KSR2: variants seen among roughly 807,000 people sequenced by gnomAD.
KSR2 encodes kinase suppressor of ras 2.
In KSR2, 25 loss-of-function variants were observed where a neutral mutation model predicts 107.8. The ratio of observed to expected loss-of-function variants is 0.23; its 90% CI spans 0.17 to 0.32. The LOEUF (loss-of-function observed/expected upper bound fraction) is 0.32, where lower values mean the gene tolerates loss of function less well. Among genes scored for constraint, KSR2 ranks in the 10% least tolerant of loss-of-function variants. KSR2 has a pLI of 1.00. For missense variants in KSR2, 887 were observed against 1,268.9 expected, an observed-to-expected ratio of 0.70 and a Z score of 4.57; for synonymous variants, 480 against 507.0, an observed-to-expected ratio of 0.95 and a Z score of 0.71.
At chr12:117,887,795 T>G (rs1894219631) in intron 1 of KSR2, among the ~76,000 whole-genome samples, 1 of 151,874 alleles carries the variant, frequency 6.6e-6, no homozygotes, top group Non-Finnish European at 1.5e-5. Flanking sequence ...TTTCATGCAT[T>G]AAAAAATAAA....
chr12:117,874,254 A>G (rs1380578430), intron 1 of KSR2, among the ~76,000 whole-genome samples: 4 of 151,910 alleles, frequency 2.6e-5, no homozygotes, highest in Non-Finnish European at 5.9e-5. Context: ...TTGTTTTGAG[A>G]CAGGGTCTTG....
chr12:117,457,587 C>T lies in KSR2; in HGVS notation c.*9612G>A, dbSNP rs551204820. 2.0e-5 allele frequency: 3 copies of T among 152,314 alleles called. No individual in the cohort carries two copies. The South Asian group carries it at 6.2e-4, about 32-fold the overall frequency. The allele number at this position is 152,314 out of a possible 1,614,324, so 9.4% of individuals were successfully genotyped here. A position where few individuals can be genotyped will look rare whatever the true frequency, so the allele number is the denominator to read the frequency against. On this transcript the variant is annotated 3_prime_UTR_variant, in exon 20 of 20. Coordinates refer to ENST00000339824, the MANE Select transcript of KSR2 (RefSeq NM_173598.6). ...CAGAGAAGCTCAGGTGACACCATGC[C>T]TGACATGCCACCATATGGGCTTCCA... is the stretch of plus-strand genomic sequence containing the variant.
rs138420579 is a variant in KSR2, at chr12:117,490,448, T to A, written c.2220-4757A>T. On this transcript the variant is annotated intron_variant, in intron 14 of 19. Transcript: ENST00000339824. ...TTACAAAGTGGGTATTCTTGCTGTA[T>A]CTCGTTGATTCCAAAGATGCACATC... Among the ~76,000 whole-genome samples the A allele has an allele frequency of 9.6e-4, 147 of 152,360 alleles. No individual in the cohort carries two copies. In the East Asian group the frequency reaches 0.011, roughly 12 times the overall value.
At chr12:117,610,963 T>C (rs73211937) in intron 5 of KSR2, among the ~76,000 whole-genome samples, 2,661 of 152,232 alleles carry the variant, frequency 0.017, 44 homozygotes, top group Non-Finnish European at 0.025. Context: ...AAAAAATACA[T>C]CAATGTTGCC....
chr12:117,673,721 T>G lies in KSR2; in HGVS notation c.987-6063A>C, dbSNP rs570486605. Among the ~76,000 whole-genome samples, 489 of 152,334 alleles carry G rather than the reference T, an allele frequency of 3.2e-3. 3 individuals are homozygous for G. The highest frequency in any genetic ancestry group is 0.011 in the African/African-American group (472 of 41,570). ...GACACAAATGACTGTTTCTAATGACTGTGACTGTGTACTTAAGATTTAGTG... is the reference window on the plus strand; with the variant it reads ...GACACAAATGACTGTTTCTAATGACGGTGACTGTGTACTTAAGATTTAGTG... On this transcript the variant is annotated intron_variant, in intron 4 of 19. Coordinates refer to ENST00000339824, the MANE Select transcript of KSR2 (RefSeq NM_173598.6).
intron 5 of KSR2, among the ~76,000 whole-genome samples, chr12:117,591,049 C>T (rs1880282489): frequency 6.6e-6 from 1 of 152,130 alleles, no homozygotes; most frequent in African/African-American, 2.4e-5. Context: ...CTGTGAGGTG[C>T]ATTGTTTTGA....
At chr12:117,559,167 G>A (rs575324496) in intron 7 of KSR2, among the ~76,000 whole-genome samples, 1 of 152,228 alleles carries the variant, frequency 6.6e-6, no homozygotes, top group South Asian at 2.1e-4. Context: ...ATACCAAGAT[G>A]TGAGATGAGA....
chr12:117,492,584 G>T (rs1218326588), intron 14 of KSR2, among the ~76,000 whole-genome samples: 1 of 152,156 alleles, frequency 6.6e-6, no homozygotes, highest in Non-Finnish European at 1.5e-5. Flanking sequence ...ACTGAATAAT[G>T]GCTCCAAAGA....
chr12:117,656,980 G>GA (rs1884194868), intron 5 of KSR2, among the ~76,000 whole-genome samples: 1 of 50,556 alleles, frequency 2.0e-5, no homozygotes, highest in African/African-American at 7.4e-5. Flanking sequence ...ATATATAATA[G>GA]GATATATATA....
intron 7 of KSR2, among the ~76,000 whole-genome samples, chr12:117,573,265 T>G (rs1879020928): frequency 6.6e-6 from 1 of 152,158 alleles, no homozygotes; most frequent in South Asian, 2.1e-4. Flanking sequence ...ATTCATAAAG[T>G]TAGTAACAGC....
chr12:117,724,682 C>G (rs1887347925), intron 4 of KSR2, among the ~76,000 whole-genome samples: 1 of 152,082 alleles, frequency 6.6e-6, no homozygotes, highest in Non-Finnish European at 1.5e-5. Flanking sequence ...CCAGCAGCAT[C>G]AGCCCAGATG....
intron 3 of KSR2, among the ~76,000 whole-genome samples, chr12:117,781,339 C>T (rs150115644): frequency 1.6e-4 from 25 of 152,154 alleles, no homozygotes; most frequent in East Asian, 1.2e-3. Context: ...GGATGAGTGG[C>T]GGTTCATTAA....
chr12:117,485,113 T>C (rs1480593741), intron 15 of KSR2, among the ~76,000 whole-genome samples: 1 of 151,988 alleles, frequency 6.6e-6, no homozygotes, highest in African/African-American at 2.4e-5. Flanking sequence ...TCCTAACACC[T>C]CCAAATGAGA....
intron 4 of KSR2, among the ~76,000 whole-genome samples, chr12:117,718,336 C>T (rs1200236532): frequency 1.3e-5 from 2 of 152,206 alleles, no homozygotes; most frequent in African/African-American, 4.8e-5. Context: ...CCCTGTTGTT[C>T]ACTGTCCATG....
chr12:117,931,581 C>T (rs2137499373), intron 1 of KSR2, among the ~76,000 whole-genome samples: 1 of 152,324 alleles, frequency 6.6e-6, no homozygotes, highest in South Asian at 2.1e-4. Flanking sequence ...TCCCATCCGT[C>T]ACCCTTCCCA....
chr12:117,481,390 A>G (rs1375242203), intron 16 of KSR2, among the ~76,000 whole-genome samples: 1 of 152,166 alleles, frequency 6.6e-6, no homozygotes, highest in Non-Finnish European at 1.5e-5. Flanking sequence ...CCCTAATCCA[A>G]TAAGATTGGT....
chr12:117,811,584 T>G (rs1788260469), intron 3 of KSR2, among the ~76,000 whole-genome samples: 1 of 152,200 alleles, frequency 6.6e-6, no homozygotes, highest in Admixed American at 6.5e-5. Context: ...CTTAGCAGAT[T>G]AACCTCTCTC....
chr12:117,857,730 G>C (rs1387358176), intron 2 of KSR2, among the ~76,000 whole-genome samples: 1 of 152,130 alleles, frequency 6.6e-6, no homozygotes, highest in Non-Finnish European at 1.5e-5. Flanking sequence ...TACAGACTAG[G>C]ACAGTAAAAT....
chr12:117,736,848 A>G (rs145621960), intron 4 of KSR2, among the ~76,000 whole-genome samples: 1 of 152,224 alleles, frequency 6.6e-6, no homozygotes, highest in Non-Finnish European at 1.5e-5. Flanking sequence ...GAAAATTAAA[A>G]AGAGTAAACA....
Sources: allele counts gnomAD v4.1 joint callset (sites outside exome capture counted in the v4.1 genomes callset), GRCh38; gene constraint gnomAD v4.1.1; transcripts MANE v1.5; gene names NCBI Gene and HGNC (gene_info 2026-07-23, HGNC 2026-07-21).